TRPC6: variants seen among roughly 807,000 people sequenced by gnomAD.
TRPC6 encodes the protein transient receptor potential cation channel subfamily C member 6.
Under a neutral mutation model 90.7 loss-of-function variants are expected in TRPC6, and 55 were observed. The ratio of observed to expected loss-of-function variants is 0.61; its 90% CI spans 0.49 to 0.76. The LOEUF (loss-of-function observed/expected upper bound fraction) is 0.76. Ranked by LOEUF, TRPC6 falls within the 30% of genes least tolerant of loss-of-function variation. The probability of loss-of-function intolerance (pLI) is 0.00; values close to 1 mark genes in which losing one functional copy is unlikely to be tolerated. For missense variants in TRPC6, 989 were observed against 1,122.7 expected (o/e 0.88, Z 1.70); for synonymous variants, 393 against 393.0 (o/e 1.00, Z 0.00).
rs1166385533 is a variant in TRPC6 at position 101,559,775 on chromosome 11, C to G, written c.170+23559G>C. Among the ~76,000 whole-genome samples, 16 of 105,192 alleles carry G rather than the reference C, an allele frequency of 1.5e-4. 1 individual carries two copies. Among genetic ancestry groups the G allele is most frequent in the Admixed American group, 1.0e-3 (10 of 9,638 alleles). The allele number at this position is 105,192 out of a possible 152,430, so 69.0% of individuals were successfully genotyped here. A position where few individuals can be genotyped will look rare whatever the true frequency, so the allele number is the denominator to read the frequency against. On this transcript the variant is annotated intron_variant, in intron 1 of 12. Coordinates refer to ENST00000344327, the MANE Select transcript of TRPC6 (RefSeq NM_004621.6). ...CATTAGGTATATCTCCTAATGCTATCCCTCCCCCCTCCCCCCACCCCACAA... is the reference window on the plus strand; with the variant it reads ...CATTAGGTATATCTCCTAATGCTATGCCTCCCCCCTCCCCCCACCCCACAA...
chr11:101,465,704 G>T (rs953248624), intron 10 of TRPC6, among the ~76,000 whole-genome samples: 1 of 151,956 alleles, frequency 6.6e-6, no homozygotes, highest in Non-Finnish European at 1.5e-5. Context: ...TTTTTTCAAG[G>T]TTCTTAGTTT....
chr11:101,541,039 AAC>A (rs1360701355), intron 1 of TRPC6, among the ~76,000 whole-genome samples: 10 of 152,246 alleles, frequency 6.6e-5, no homozygotes, highest in African/African-American at 2.4e-4. Context: ...ATCGTAGGCT[AAC>A]AGAGTCAGGA....
chr11:101,575,232 G>C (rs1429119990), intron 1 of TRPC6, among the ~76,000 whole-genome samples: 1 of 152,178 alleles, frequency 6.6e-6, no homozygotes, highest in Non-Finnish European at 1.5e-5. Flanking sequence ...AGAAAGCCTT[G>C]CCTTTTGCAA....
intron 4 of TRPC6, among the ~76,000 whole-genome samples, chr11:101,485,843 A>C (rs1303427641): frequency 6.6e-6 from 1 of 151,958 alleles, no homozygotes; most frequent in Non-Finnish European, 1.5e-5. Flanking sequence ...AAATCTGAAA[A>C]CTCTGGAACC....
intron 4 of TRPC6, among the ~76,000 whole-genome samples, chr11:101,484,207 T>C (rs889282879): frequency 6.6e-6 from 1 of 152,170 alleles, no homozygotes; most frequent in Non-Finnish European, 1.5e-5. Flanking sequence ...AAATGCCCAC[T>C]TTCGATGAAG....
At chr11:101,460,855 A>G (rs1482192073) in intron 10 of TRPC6, among the ~76,000 whole-genome samples, 1 of 152,210 alleles carries the variant, frequency 6.6e-6, no homozygotes, top group African/African-American at 2.4e-5. Context: ...GTTGCTATGA[A>G]TATTTAGGTT....
rs1457358099 is a variant in TRPC6, at chr11:101,519,038, G to C, written c.171-14240C>G. 5.9e-5 allele frequency among the ~76,000 whole-genome samples: 9 copies of C among 152,292 alleles called. No homozygotes were observed. The East Asian group carries it at 1.2e-3, about 20-fold the overall frequency. ...GAGAGTAGAAGAATGGTTACCAGAG[G>C]CTGGGAAGGGTACTGAAGGTTTGGG... On this transcript the variant is annotated intron_variant, in intron 1 of 12. Transcript: ENST00000344327.
chr11:101,483,815 A>T (rs759377273), intron 4 of TRPC6, among the ~76,000 whole-genome samples: 1 of 152,186 alleles, frequency 6.6e-6, no homozygotes, highest in Admixed American at 6.5e-5. Flanking sequence ...GCTGAGTGAC[A>T]ATGAGCACAT....
At chr11:101,492,938 A>G (rs141434431) in intron 2 of TRPC6, among the ~76,000 whole-genome samples, 3 of 152,328 alleles carry the variant, frequency 2.0e-5, no homozygotes, top group East Asian at 3.9e-4. Flanking sequence ...AGTTTAATGA[A>G]ACACTGTTGT....
chr11:101,561,735 G>A (rs1861718902), intron 1 of TRPC6, among the ~76,000 whole-genome samples: 1 of 151,732 alleles, frequency 6.6e-6, no homozygotes, highest in African/African-American at 2.4e-5. Context: ...TCATAATCAT[G>A]TTAAATGGGA....
At chr11:101,467,478 TG>T (rs1223450172) in intron 10 of TRPC6, among the ~76,000 whole-genome samples, 1 of 152,250 alleles carries the variant, frequency 6.6e-6, no homozygotes. Context: ...AAAGAACATT[TG>T]GATGTTGGTG....
chr11:101,551,882 G>C (rs1423397469), intron 1 of TRPC6, among the ~76,000 whole-genome samples: 1 of 152,066 alleles, frequency 6.6e-6, no homozygotes, highest in African/African-American at 2.4e-5. Flanking sequence ...TAAGCTCAGA[G>C]ATCCTTTCTG....
At chr11:101,460,417 TTGTTATACTCTAC>T (rs1165582591) in intron 10 of TRPC6, among the ~76,000 whole-genome samples, 5 of 152,232 alleles carry the variant, frequency 3.3e-5, no homozygotes, top group African/African-American at 9.6e-5. Flanking sequence ...CTGATAAATA[TTGTTATACTCTAC>T]TGTTTTTTAA....
chr11:101,552,596 T>C (rs752874540), intron 1 of TRPC6, among the ~76,000 whole-genome samples: 2 of 152,054 alleles, frequency 1.3e-5, no homozygotes, highest in African/African-American at 2.4e-5. Context: ...GTTGCCCAAA[T>C]CAAAAAGTGA....
intron 1 of TRPC6, among the ~76,000 whole-genome samples, chr11:101,527,301 C>A (rs1860801943): frequency 6.6e-6 from 1 of 152,130 alleles, no homozygotes; most frequent in Admixed American, 6.5e-5. Flanking sequence ...ACTAATTACT[C>A]TGAAGCTTGA....
chr11:101,559,168 A>C (rs549580237), intron 1 of TRPC6, among the ~76,000 whole-genome samples: 1 of 152,276 alleles, frequency 6.6e-6, no homozygotes, highest in East Asian at 1.9e-4. Context: ...TCAAAACAAA[A>C]CAAAACACAG....
intron 1 of TRPC6, among the ~76,000 whole-genome samples, chr11:101,548,276 TTATA>T (rs56777096): frequency 5.3e-5 from 7 of 132,388 alleles, no homozygotes; most frequent in Non-Finnish European, 8.1e-5. Context: ...TATATATAAT[TTATA>T]TATATAATTA....
At chr11:101,547,146 T>A (rs1210442226) in intron 1 of TRPC6, among the ~76,000 whole-genome samples, 2 of 152,194 alleles carry the variant, frequency 1.3e-5, no homozygotes, top group Non-Finnish European at 2.9e-5. Flanking sequence ...CTACATGGAA[T>A]TCATTTTATA....
chr11:101,529,367 C>G (rs1031410344), intron 1 of TRPC6, among the ~76,000 whole-genome samples: 6 of 152,212 alleles, frequency 3.9e-5, no homozygotes, highest in African/African-American at 1.2e-4. Flanking sequence ...TTGGAACACT[C>G]CCCTAAGGGA....
Sources: allele counts gnomAD v4.1 joint callset (sites outside exome capture counted in the v4.1 genomes callset), GRCh38; gene constraint gnomAD v4.1.1; transcripts MANE v1.5; gene names NCBI Gene and HGNC (gene_info 2026-07-23, HGNC 2026-07-21).